ERGIC2: variants seen among roughly 807,000 people sequenced by gnomAD.
ERGIC2 encodes the protein ERGIC and golgi 2, also known as endoplasmic reticulum-Golgi intermediate compartment protein 2.
Under a neutral mutation model 52.5 loss-of-function variants are expected in ERGIC2, and 31 were observed. The ratio of observed to expected loss-of-function variants is 0.59; its 90% confidence interval spans 0.44 to 0.80. The LOEUF is 0.80. Ranked by LOEUF, ERGIC2 falls within the 30% of genes least tolerant of loss-of-function variation. The pLI, the probability that ERGIC2 is intolerant of heterozygous loss-of-function variation, is 0.00. For missense variants in ERGIC2, 395 were observed against 455.2 expected, an observed-to-expected ratio of 0.87 and a Z score of 1.20; for synonymous variants, 129 against 140.6, an observed-to-expected ratio of 0.92 and a Z score of 0.58.
intron 6 of ERGIC2, among the ~76,000 whole-genome samples, chr12:29,358,895 C>T (rs1314413714): frequency 6.6e-6 from 1 of 151,886 alleles, no homozygotes. Flanking sequence ...CATATTTATA[C>T]TGTATAGTTT....
chr12:29,371,609 T>C lies in ERGIC2; in HGVS notation c.25A>G (p.Thr9Ala), dbSNP rs779222368. MRRLNRKKTLSLVKELDAF... is the reference protein window; with the variant it reads MRRLNRKKALSLVKELDAF... The stretch of plus-strand genomic sequence containing the variant: ...TCCAACTCTTTTACCAAACTTAAAG[T>C]TTTTTTCCGATTCAGTCGCCTCATC... The change falls in exon 2 of 14, where the codon ACT (threonine) becomes GCT (alanine). Residue 9 changes from threonine (T) to alanine (A), a missense_variant. By Grantham distance (58) the Thr-to-Ala change is moderately conservative. Transcript: ENST00000360150. The C allele has an allele frequency of 8.1e-6, 13 of 1,613,280 alleles. No homozygotes were observed. The South Asian group carries it at 1.3e-4, about 16-fold the overall frequency.
intron 8 of ERGIC2, 104 bp from the exon 9 acceptor site, chr12:29,350,172 A>G (rs1940112444): frequency 2.9e-6 from 2 of 686,282 alleles, no homozygotes; most frequent in Middle Eastern, 4.0e-4. Context: ...TTCTTAGTAC[A>G]AAATAACATA....
chr12:29,347,377 AC>A (rs1940067821), intron 10 of ERGIC2, among the ~76,000 whole-genome samples: 1 of 152,170 alleles, frequency 6.6e-6, no homozygotes, highest in African/African-American at 2.4e-5. Context: ...TTTTATTTCT[AC>A]CGGCTTCATT....
intron 13 of ERGIC2, 139 bp from the exon 14 acceptor site, chr12:29,341,357 TTCTCTA>T: frequency 2.8e-6 from 2 of 703,204 alleles, no homozygotes; most frequent in Non-Finnish European, 4.9e-6. Context: ...CTCCCCCTAT[TTCTCTA>T]TCTCTCTATC....
At chr12:29,380,171 C>T (rs182092683) in intron 1 of ERGIC2, among the ~76,000 whole-genome samples, 1 of 152,050 alleles carries the variant, frequency 6.6e-6, no homozygotes, top group Non-Finnish European at 1.5e-5. Flanking sequence ...GGCATAATTA[C>T]AACAACTTAA....
At position 29,353,801 on chromosome 12, in the gene ERGIC2, T is replaced by G. The variant is rs371755733; in HGVS notation, c.572+2581A>C. On this transcript the variant is annotated intron_variant, in intron 8 of 13. Transcript: ENST00000360150. Reference sequence around the variant, plus strand: ...TAAGTGAGCATCTTCTTCAAAAAATTAAATTTAAAAATCAAATTAAATCAC... The same window carrying G: ...TAAGTGAGCATCTTCTTCAAAAAATGAAATTTAAAAATCAAATTAAATCAC... 3.3e-5 allele frequency among the ~76,000 whole-genome samples: 5 copies of G among 152,006 alleles called. No homozygotes were observed. In the East Asian group the frequency reaches 5.8e-4, roughly 18 times the overall value.
intron 9 of ERGIC2, 115 bp from the exon 10 acceptor site, chr12:29,349,292 A>G (rs528732899): frequency 2.3e-5 from 11 of 476,920 alleles, no homozygotes; most frequent in African/African-American, 2.0e-4. Flanking sequence ...TAAAATCTTC[A>G]AGGATAATAA....
Position 29,349,185 on chromosome 12 carries a change from G to A in ERGIC2, c.629-8C>T. 2 of 1,434,368 alleles carry A rather than the reference G, an allele frequency of 1.4e-6. No homozygotes were observed. The highest frequency in any genetic ancestry group is 1.3e-5 in the South Asian group (1 of 78,022). The allele number at this position is 1,434,368 out of a possible 1,614,324, so 88.9% of individuals were successfully genotyped here. ...TATGAGAAAAATTGTAAGCTAAAAG[G>A]CAAAAAATAAAAACAACTTAGCAGA... On this transcript the variant is annotated splice_region_variant and splice_polypyrimidine_tract_variant and intron_variant, in intron 9 of 13. Transcript: ENST00000360150.
intron 1 of ERGIC2, among the ~76,000 whole-genome samples, chr12:29,375,698 C>T (rs1261033699): frequency 6.6e-6 from 1 of 152,104 alleles, no homozygotes; most frequent in Non-Finnish European, 1.5e-5. Flanking sequence ...CCTAATAATA[C>T]ATACAACCTA....
chr12:29,347,678 G>A (rs1335298634), intron 10 of ERGIC2, among the ~76,000 whole-genome samples: 2 of 152,046 alleles, frequency 1.3e-5, no homozygotes, highest in Non-Finnish European at 2.9e-5. Context: ...AATACTTCTG[G>A]AGAACATCAG....
At chr12:29,364,318 T>C (rs1940328399) in intron 5 of ERGIC2, among the ~76,000 whole-genome samples, 1 of 152,038 alleles carries the variant, frequency 6.6e-6, no homozygotes, top group Non-Finnish European at 1.5e-5. Context: ...CTGCAGCCAT[T>C]TGATCTTTGA....
intron 1 of ERGIC2, among the ~76,000 whole-genome samples, chr12:29,373,666 T>C (rs1479057159): frequency 6.6e-6 from 1 of 152,182 alleles, no homozygotes; most frequent in Non-Finnish European, 1.5e-5. Context: ...AATACATTGA[T>C]TTCCTCTGCC....
At chr12:29,359,526 A>ACTT (rs1940254604) in intron 6 of ERGIC2, among the ~76,000 whole-genome samples, 1 of 152,080 alleles carries the variant, frequency 6.6e-6, no homozygotes, top group African/African-American at 2.4e-5. Context: ...GTAAAAATAC[A>ACTT]ATCTCTTCTC....
chr12:29,359,503 T>C (rs1043152833), intron 6 of ERGIC2, among the ~76,000 whole-genome samples: 1 of 152,104 alleles, frequency 6.6e-6, no homozygotes, highest in African/African-American at 2.4e-5. Flanking sequence ...GGCAAATTTA[T>C]ATCATCTTAA....
intron 5 of ERGIC2, among the ~76,000 whole-genome samples, chr12:29,363,930 T>C (rs1261138710): frequency 4.0e-5 from 6 of 150,840 alleles, no homozygotes; most frequent in Non-Finnish European, 7.4e-5. Flanking sequence ...ACATTCAAGA[T>C]TATAATACAT....
chr12:29,371,783 C>A, intron 1 of ERGIC2, 113 bp from the exon 2 acceptor site: 1 of 564,866 alleles, frequency 1.8e-6, no homozygotes, highest in Non-Finnish European at 3.1e-6. Context: ...TTCTCATCCC[C>A]CCTTAAAAAT....
chr12:29,348,918 T>C (rs1429201118), intron 10 of ERGIC2, among the ~76,000 whole-genome samples, 161 bp downstream of exon 10: 1 of 151,950 alleles, frequency 6.6e-6, no homozygotes, highest in African/African-American at 2.4e-5. Flanking sequence ...TCAAATTTCA[T>C]CCACTACTAG....
chr12:29,377,612 C>G (rs570684512), intron 1 of ERGIC2, among the ~76,000 whole-genome samples: 2 of 152,284 alleles, frequency 1.3e-5, no homozygotes, highest in South Asian at 4.1e-4. Flanking sequence ...CAATCTGCAA[C>G]TGGTTGAGTC....
intron 6 of ERGIC2, among the ~76,000 whole-genome samples, chr12:29,360,620 T>C (rs1465610908): frequency 1.4e-5 from 2 of 147,918 alleles, no homozygotes; most frequent in Admixed American, 1.4e-4. Context: ...CTATATATTA[T>C]ATAGATTATA....
Sources: allele counts gnomAD v4.1 joint callset (sites outside exome capture counted in the v4.1 genomes callset), GRCh38; gene constraint gnomAD v4.1.1; transcripts MANE v1.5; gene names NCBI Gene and HGNC (gene_info 2026-07-23, HGNC 2026-07-21).